The following UBE4B variants were observed in gnomAD, a reference collection of about 807,000 sequenced individuals.
UBE4B encodes ubiquitin conjugation factor E4 B.
UBE4B carries 27 observed loss-of-function variants against 148.1 expected under a neutral mutation model. The ratio of observed to expected loss-of-function variants is 0.18; its 90% confidence interval spans 0.13 to 0.25. UBE4B has a LOEUF of 0.25. Among genes scored for constraint, UBE4B ranks in the 10% least tolerant of loss-of-function variants. The pLI is 1.00. For synonymous variants in UBE4B, 596 were observed against 619.3 expected, an observed-to-expected ratio of 0.96 and a Z score of 0.56; for missense variants, 1,170 against 1,662.4, an observed-to-expected ratio of 0.70 and a Z score of 5.15.
At chr1:10,144,849 C>G (rs1645843093) in intron 17 of UBE4B, 91 bp from the exon 18 acceptor site, 9 of 815,450 alleles carry the variant, frequency 1.1e-5, no homozygotes, top group Non-Finnish European at 1.7e-5. Flanking sequence ...AAACAAACAA[C>G]TGCGTGTGAG....
chr1:10,095,100 T>C (rs2101873845), intron 2 of UBE4B, among the ~76,000 whole-genome samples: 1 of 152,264 alleles, frequency 6.6e-6, no homozygotes, highest in East Asian at 1.9e-4. Flanking sequence ...ATATCTTCTT[T>C]TGGGCGCATT....
intron 3 of UBE4B, among the ~76,000 whole-genome samples, chr1:10,096,701 G>A (rs1644933701): frequency 6.6e-6 from 1 of 151,880 alleles, no homozygotes; most frequent in Non-Finnish European, 1.5e-5. Context: ...CAGCCTGGCC[G>A]ATAGAGTGAG....
At chr1:10,089,013 T>G (rs549087068) in intron 2 of UBE4B, among the ~76,000 whole-genome samples, 1 of 152,120 alleles carries the variant, frequency 6.6e-6, no homozygotes, top group East Asian at 1.9e-4. Flanking sequence ...GAACAAAATG[T>G]TTTCTTTTTT....
chr1:10,110,210 T>A (rs1407117799), intron 7 of UBE4B, among the ~76,000 whole-genome samples: 3 of 152,220 alleles, frequency 2.0e-5, no homozygotes, highest in Non-Finnish European at 4.4e-5. Context: ...CTTATAAATC[T>A]TTTTGGAAGT....
rs367558769 is a variant in UBE4B at position 10,088,670 on chromosome 1, C to T, written c.212-6791C>T. Among the ~76,000 whole-genome samples, 55 of 151,748 alleles carry T rather than the reference C, an allele frequency of 3.6e-4. 1 individual carries two copies. In the South Asian group the frequency reaches 0.011, roughly 31 times the overall value. ...ACAGGTGTGAGCCACCACGCCTGAC[C>T]GTATTTTATTATTTTATTATTATTT... is the stretch of plus-strand genomic sequence containing the variant. On this transcript the variant is annotated intron_variant, in intron 2 of 27. Transcript: ENST00000343090.
At chr1:10,071,425 T>G (rs920486071) in intron 1 of UBE4B, among the ~76,000 whole-genome samples, 1 of 152,018 alleles carries the variant, frequency 6.6e-6, no homozygotes, top group Non-Finnish European at 1.5e-5. Context: ...CTGTCAAAAA[T>G]TAAAAAAAAT....
chr1:10,129,722 C>A (rs974216262), intron 12 of UBE4B, among the ~76,000 whole-genome samples: 7 of 152,054 alleles, frequency 4.6e-5, no homozygotes, highest in Admixed American at 3.9e-4. Context: ...GGGATCTTGG[C>A]ACACTGCAGC....
At chr1:10,132,578 G>A (rs1645613431) in intron 15 of UBE4B, 96 bp downstream of exon 15, 3 of 1,028,766 alleles carry the variant, frequency 2.9e-6, no homozygotes, top group Non-Finnish European at 4.4e-6. Flanking sequence ...TAGGAGTGGG[G>A]GTACAGTATT....
At chr1:10,130,361 G>C (rs774144479) in intron 12 of UBE4B, 139 bp from the exon 13 acceptor site, 1 of 787,708 alleles carries the variant, frequency 1.3e-6, no homozygotes, top group African/African-American at 1.7e-5. Context: ...GATTACAGGC[G>C]TGAGCCACCA....
intron 1 of UBE4B, among the ~76,000 whole-genome samples, chr1:10,057,502 A>C (rs1644197206): frequency 6.9e-6 from 1 of 145,792 alleles, no homozygotes; most frequent in Non-Finnish European, 1.5e-5. Context: ...CTGCAGCCCC[A>C]AACTACTGCA....
chr1:10,098,802 C>A (rs536429180), intron 3 of UBE4B, among the ~76,000 whole-genome samples: 1 of 152,174 alleles, frequency 6.6e-6, no homozygotes, highest in Non-Finnish European at 1.5e-5. Flanking sequence ...CTCTCCTATT[C>A]AGTGGTGAGA....
intron 1 of UBE4B, among the ~76,000 whole-genome samples, chr1:10,040,769 CACCA>C (rs977957553): frequency 8.5e-5 from 13 of 152,102 alleles, no homozygotes; most frequent in African/African-American, 3.1e-4. Context: ...AAGCATGTAC[CACCA>C]TGCCTGGCTA....
intron 2 of UBE4B, among the ~76,000 whole-genome samples, chr1:10,093,853 C>T (rs933000785): frequency 3.3e-5 from 5 of 152,024 alleles, no homozygotes; most frequent in Non-Finnish European, 5.9e-5. Context: ...GGCCACCACG[C>T]CCAGCTAATT....
At chr1:10,053,218 G>A (rs773765316) in intron 1 of UBE4B, among the ~76,000 whole-genome samples, 29 of 151,726 alleles carry the variant, frequency 1.9e-4, no homozygotes, top group Non-Finnish European at 2.9e-4. Flanking sequence ...GCGCGATCTC[G>A]GCTCGCTGCA....
intron 2 of UBE4B, chr1:10,072,961 C>G (rs1644514372): frequency 6.5e-6 from 1 of 153,054 alleles, no homozygotes; most frequent in Admixed American, 6.5e-5. Context: ...CATCTGTCTT[C>G]TTGATCTAGA....
chr1:10,116,531 T>G (rs1407365886), intron 7 of UBE4B, among the ~76,000 whole-genome samples: 1 of 152,224 alleles, frequency 6.6e-6, no homozygotes, highest in Non-Finnish European at 1.5e-5. Context: ...TCCTTACTTT[T>G]TCCTGTCGTA....
At chr1:10,088,151 A>G (rs1303376222) in intron 2 of UBE4B, among the ~76,000 whole-genome samples, 1 of 152,130 alleles carries the variant, frequency 6.6e-6, no homozygotes, top group East Asian at 1.9e-4. Flanking sequence ...CCCCAGCCCT[A>G]GAAATCAGCC....
At chr1:10,054,552 T>C in intron 1 of UBE4B, 1 of 314,850 alleles carries the variant, frequency 3.2e-6, no homozygotes, top group South Asian at 3.3e-5. Flanking sequence ...CTTTTTCTGA[T>C]CATTTTCCTT....
chr1:10,093,938 G>GC (rs1644889652), intron 2 of UBE4B, among the ~76,000 whole-genome samples: 1 of 152,030 alleles, frequency 6.6e-6, no homozygotes, highest in Admixed American at 6.6e-5. Context: ...CAAATGATCT[G>GC]CCTTCCTCGG....
Sources: gnomAD v4.1 joint callset for allele counts (sites outside exome capture counted in the v4.1 genomes callset) on GRCh38, gnomAD v4.1.1 for gene constraint, MANE v1.5 for transcripts, NCBI Gene and HGNC (gene_info 2026-07-23, HGNC 2026-07-21) for gene names.